Variants in TNR observed in about 807,000 individuals in gnomAD.
TNR encodes tenascin-R.
In TNR, 45 loss-of-function variants were observed where a neutral mutation model predicts 150.4. That is an observed-to-expected ratio of 0.30 (90% CI 0.24 to 0.38). The LOEUF (loss-of-function observed/expected upper bound fraction) is 0.38. Ranked by LOEUF, TNR falls within the 10% of genes least tolerant of loss-of-function variation. The pLI, the probability that TNR is intolerant of heterozygous loss-of-function variation, is 1.00. For missense variants in TNR, 1,544 were observed against 1,759.1 expected, an observed-to-expected ratio of 0.88 and a Z score of 2.19; for synonymous variants, 687 against 678.4, an observed-to-expected ratio of 1.01 and a Z score of -0.20.
intron 1 of TNR, among the ~76,000 whole-genome samples, chr1:175,728,923 C>G (rs556287806): frequency 6.6e-6 from 1 of 152,162 alleles, no homozygotes; most frequent in South Asian, 2.1e-4. Flanking sequence ...TTGTTATTTA[C>G]CCAAGCTCCC....
At chr1:175,379,816 A>T (rs1482197274) in intron 8 of TNR, 79 bp from the exon 9 acceptor site, 1 of 1,498,386 alleles carries the variant, frequency 6.7e-7, no homozygotes, top group Admixed American at 1.9e-5. Flanking sequence ...CTCTGAAAAG[A>T]TTGGTGGTGA....
At chr1:175,732,793 T>G (rs539239329) in intron 1 of TNR, among the ~76,000 whole-genome samples, 1 of 152,172 alleles carries the variant, frequency 6.6e-6, no homozygotes, top group Non-Finnish European at 1.5e-5. Context: ...TCCTCACCTG[T>G]GAAAAGGGGT....
chr1:175,431,339 A>G (rs1335414256), intron 2 of TNR, among the ~76,000 whole-genome samples: 1 of 152,236 alleles, frequency 6.6e-6, no homozygotes, highest in Non-Finnish European at 1.5e-5. Flanking sequence ...TCATGTATTT[A>G]TCTAACAAGC....
chr1:175,720,697 A>G lies in TNR; in HGVS notation c.-165+22529T>C, dbSNP rs373339984. On this transcript the variant is annotated intron_variant, in intron 1 of 22. Coordinates refer to ENST00000367674, the MANE Select transcript of TNR (RefSeq NM_003285.3). Reference sequence around the variant, plus strand: ...GATTTTAATGTGCAACAAGGCTTCCAGAGGCAACAGAGTTTGAGCATGTCT... The same window carrying G: ...GATTTTAATGTGCAACAAGGCTTCCGGAGGCAACAGAGTTTGAGCATGTCT... Among the ~76,000 whole-genome samples, 10 of 152,376 alleles carry G rather than the reference A, an allele frequency of 6.6e-5. No individual in the cohort carries two copies. The South Asian group carries it at 2.1e-3, about 32-fold the overall frequency.
At chr1:175,517,087 A>G (rs1041937518) in intron 2 of TNR, among the ~76,000 whole-genome samples, 3 of 151,274 alleles carry the variant, frequency 2.0e-5, no homozygotes, top group Non-Finnish European at 4.4e-5. Flanking sequence ...AATACAGCAC[A>G]GTGGTGCCAA....
intron 1 of TNR, among the ~76,000 whole-genome samples, chr1:175,722,945 C>A (rs940356365): frequency 6.6e-6 from 1 of 152,038 alleles, no homozygotes; most frequent in African/African-American, 2.4e-5. Context: ...GCACATACCA[C>A]CATGATGGGT....
intron 1 of TNR, among the ~76,000 whole-genome samples, chr1:175,644,602 A>G (rs1222857839): frequency 6.6e-6 from 1 of 152,228 alleles, no homozygotes; most frequent in Non-Finnish European, 1.5e-5. Flanking sequence ...GTCCTGGGCC[A>G]TTTTGTGAAT....
At chr1:175,575,577 A>C (rs1486297170) in intron 1 of TNR, among the ~76,000 whole-genome samples, 1 of 152,228 alleles carries the variant, frequency 6.6e-6, no homozygotes. Context: ...TCTATCAGTC[A>C]GAGGCTAAAG....
intron 20 of TNR, among the ~76,000 whole-genome samples, chr1:175,332,709 G>A (rs1571303560): frequency 6.6e-6 from 1 of 152,220 alleles, no homozygotes; most frequent in Middle Eastern, 3.4e-3. Context: ...CAGTTGTCAG[G>A]AGAATTCCTG....
At chr1:175,402,033 C>T (rs555130339) in intron 4 of TNR, among the ~76,000 whole-genome samples, 3 of 152,206 alleles carry the variant, frequency 2.0e-5, no homozygotes, top group East Asian at 3.9e-4. Context: ...TCAGGCCGGG[C>T]GCGGTGGCTC....
chr1:175,399,309 A>T lies in TNR; in HGVS notation c.977-2502T>A, dbSNP rs554443928. Among the ~76,000 whole-genome samples the T allele has an allele frequency of 1.4e-4, 21 of 152,350 alleles. No individual in the cohort carries two copies. The South Asian group carries it at 4.4e-3, about 32-fold the overall frequency. Reference sequence around the variant, plus strand: ...AGCAATTCTTAGGGCATTTGGAACAAATCAGCGTATTCCTTTTTGCTTCCT... The same window carrying T: ...AGCAATTCTTAGGGCATTTGGAACATATCAGCGTATTCCTTTTTGCTTCCT... On this transcript the variant is annotated intron_variant, in intron 4 of 22. Transcript: ENST00000367674.
chr1:175,501,802 C>A (rs1658750702), intron 2 of TNR, among the ~76,000 whole-genome samples: 1 of 152,168 alleles, frequency 6.6e-6, no homozygotes, highest in Non-Finnish European at 1.5e-5. Flanking sequence ...GCCCATTCAT[C>A]CATGTATTCA....
At chr1:175,549,726 CTGAGATTCAT>C (rs1660860895) in intron 1 of TNR, among the ~76,000 whole-genome samples, 1 of 152,182 alleles carries the variant, frequency 6.6e-6, no homozygotes. Flanking sequence ...TAGCAAGGAT[CTGAGATTCAT>C]CAACAGCCAG....
chr1:175,499,754 T>C (rs554543455), intron 2 of TNR, among the ~76,000 whole-genome samples: 2 of 151,892 alleles, frequency 1.3e-5, no homozygotes, highest in Admixed American at 6.6e-5. Context: ...CCTTCTGGAG[T>C]GGGTTAGAGT....
At chr1:175,572,170 G>A (rs985643359) in intron 1 of TNR, among the ~76,000 whole-genome samples, 15 of 152,102 alleles carry the variant, frequency 9.9e-5, no homozygotes, top group African/African-American at 3.6e-4. Context: ...AGCTCACACC[G>A]AGGTCAGCAG....
At chr1:175,378,496 T>C (rs772830005) in intron 9 of TNR, among the ~76,000 whole-genome samples, 6 of 152,156 alleles carry the variant, frequency 3.9e-5, no homozygotes, top group Admixed American at 1.3e-4. Context: ...ACTGGCAAGA[T>C]GAAGCTGCCG....
rs142906009 is a variant in TNR at position 175,593,068 on chromosome 1, T to C, written c.-164-64699A>G. On this transcript the variant is annotated intron_variant, in intron 1 of 22. Coordinates refer to ENST00000367674, the MANE Select transcript of TNR (RefSeq NM_003285.3). ...TCTCTGACTGGGGGTTTTCCTTTGA[T>C]GCCACCGGTTGAATCTCTTCCAAAG... Among the ~76,000 whole-genome samples the C allele has an allele frequency of 5.0e-3, 754 of 152,290 alleles. 4 individuals are homozygous for C. The highest frequency in any genetic ancestry group is 7.4e-3 in the Non-Finnish European group (503 of 68,016).
intron 2 of TNR, among the ~76,000 whole-genome samples, chr1:175,460,459 C>T (rs1471756269): frequency 6.6e-6 from 1 of 152,014 alleles, no homozygotes; most frequent in Non-Finnish European, 1.5e-5. Flanking sequence ...TCTCTCCAGT[C>T]AGCCCTTAGA....
chr1:175,686,296 C>T (rs1441569440), intron 1 of TNR, among the ~76,000 whole-genome samples: 1 of 152,230 alleles, frequency 6.6e-6, no homozygotes, highest in Non-Finnish European at 1.5e-5. Flanking sequence ...ATCACTCCTG[C>T]TTCTTCAATC....
Sources: allele counts gnomAD v4.1 joint callset (sites outside exome capture counted in the v4.1 genomes callset), GRCh38; gene constraint gnomAD v4.1.1; transcripts MANE v1.5; gene names NCBI Gene and HGNC (gene_info 2026-07-23, HGNC 2026-07-21).